The following GABRB2 variants were observed in gnomAD, a reference collection of about 807,000 sequenced individuals.
GABRB2 encodes the protein gamma-aminobutyric acid type A receptor subunit beta2, also known as gamma-aminobutyric acid receptor subunit beta-2.
Under a neutral mutation model 54.7 loss-of-function variants are expected in GABRB2, and 16 were observed. The ratio of observed to expected loss-of-function variants is 0.29; its 90% confidence interval spans 0.20 to 0.44. GABRB2 has a LOEUF of 0.44. Ranked by LOEUF, GABRB2 falls within the 20% of genes least tolerant of loss-of-function variation. The pLI is 1.00. For missense variants in GABRB2, 355 were observed against 644.0 expected (o/e 0.55, Z 4.86); for synonymous variants, 244 against 233.8 (o/e 1.04, Z -0.40).
At chr5:161,409,757 T>C (rs768312923) in intron 5 of GABRB2, among the ~76,000 whole-genome samples, 2 of 152,194 alleles carry the variant, frequency 1.3e-5, no homozygotes, top group Non-Finnish European at 2.9e-5. Context: ...TTATGCTTTC[T>C]AAATTGTAGC....
chr5:161,501,465 T>C (rs1175038600), intron 3 of GABRB2, among the ~76,000 whole-genome samples: 1 of 152,204 alleles, frequency 6.6e-6, no homozygotes, highest in South Asian at 2.1e-4. Context: ...TATGCTACTA[T>C]GCTATTTCCC....
In GABRB2 at chr5:161,405,101, TC is replaced by T. The variant is rs569279157; in HGVS notation, c.541+5873del. 2.6e-3 allele frequency among the ~76,000 whole-genome samples: 394 copies of T among 152,222 alleles called. 4 individuals carry two copies. Among genetic ancestry groups the T allele is most frequent in the African/African-American group, 8.2e-3 (339 of 41,552 alleles). On this transcript the variant is annotated intron_variant, in intron 5 of 9. Transcript: ENST00000393959. ...TCCTTAGGGTACACAGAGTCTACTC[TC>T]TTTCCTTAAGAGGAAATTCTGCATT...
intron 5 of GABRB2, among the ~76,000 whole-genome samples, chr5:161,337,121 G>A (rs1754017897): frequency 6.6e-6 from 1 of 152,024 alleles, no homozygotes; most frequent in African/African-American, 2.4e-5. Flanking sequence ...TACCTGATTA[G>A]GAATCCCATT....
chr5:161,491,435 T>G (rs1255920960), intron 3 of GABRB2, among the ~76,000 whole-genome samples: 1 of 151,660 alleles, frequency 6.6e-6, no homozygotes, highest in Non-Finnish European at 1.5e-5. Context: ...CAAATACAAT[T>G]TATGGGAATT....
intron 3 of GABRB2, among the ~76,000 whole-genome samples, chr5:161,499,449 G>A (rs974985332): frequency 6.6e-6 from 1 of 152,070 alleles, no homozygotes; most frequent in Non-Finnish European, 1.5e-5. Context: ...AGCTGTGAAA[G>A]TTCATGGACT....
chr5:161,380,875 A>AG (rs398109620), intron 5 of GABRB2, among the ~76,000 whole-genome samples: 1 of 151,324 alleles, frequency 6.6e-6, no homozygotes, highest in African/African-American at 2.4e-5. Context: ...TAAAAAAAAA[A>AG]GGGCTTTACT....
At chr5:161,353,676 AT>A (rs942523630) in intron 5 of GABRB2, among the ~76,000 whole-genome samples, 5 of 152,102 alleles carry the variant, frequency 3.3e-5, no homozygotes, top group African/African-American at 9.6e-5. Context: ...AGTATATTTG[AT>A]TTGGTAGCAG....
intron 9 of GABRB2, among the ~76,000 whole-genome samples, chr5:161,310,016 C>G (rs1158191035): frequency 7.2e-5 from 11 of 152,192 alleles, no homozygotes; most frequent in Admixed American, 7.2e-4. Flanking sequence ...TTTGCAGGGA[C>G]ATGGATGGAG....
intron 4 of GABRB2, among the ~76,000 whole-genome samples, chr5:161,444,015 C>T (rs1029117779): frequency 3.3e-5 from 5 of 152,178 alleles, no homozygotes; most frequent in South Asian, 4.1e-4. Flanking sequence ...GACTAATCCT[C>T]ATGTTATGTC....
At chr5:161,349,639 C>T (rs1323391022) in intron 5 of GABRB2, among the ~76,000 whole-genome samples, 1 of 152,072 alleles carries the variant, frequency 6.6e-6, no homozygotes, top group African/African-American at 2.4e-5. Context: ...GCCTTTTTCT[C>T]TCATTCTGAT....
At chr5:161,341,083 G>C (rs948723383) in intron 5 of GABRB2, among the ~76,000 whole-genome samples, 2 of 151,946 alleles carry the variant, frequency 1.3e-5, no homozygotes, top group Non-Finnish European at 2.9e-5. Flanking sequence ...GAAGACGAAA[G>C]AGCAACGAGC....
chr5:161,546,639 C>A lies in GABRB2; in HGVS notation c.5G>T (p.Trp2Leu). M[W>L]RVRKRGYFGI... The stretch of plus-strand genomic sequence containing the variant: ...AAAGTAGCCCCTTTTCCGCACTCTC[C>A]ACATCCCTTTAGTTTTTGATGGAAT... The change falls in exon 1 of 10, where the codon TGG becomes TTG. Residue 2 changes from tryptophan to leucine, a missense_variant. Trp to Leu is a moderately conservative substitution (Grantham distance 61, BLOSUM62 -2). This residue lies in a region of GABRB2 where 42 missense variants were observed against 43.0 expected (regional missense o/e 0.98). Coordinates refer to ENST00000393959, the MANE Select transcript of GABRB2 (RefSeq NM_001371727.1). 6.3e-7 allele frequency: 1 copy of A among 1,593,152 alleles called. No homozygotes were observed. The highest frequency in any genetic ancestry group is 8.6e-7 in the Non-Finnish European group (1 of 1,168,854).
chr5:161,441,189 G>C (rs1278000940), intron 4 of GABRB2, among the ~76,000 whole-genome samples: 1 of 152,132 alleles, frequency 6.6e-6, no homozygotes, highest in Non-Finnish European at 1.5e-5. Context: ...CGAAGAATGA[G>C]AGAAAATATT....
intron 3 of GABRB2, among the ~76,000 whole-genome samples, chr5:161,466,088 T>C (rs987474711): frequency 6.6e-6 from 1 of 152,020 alleles, no homozygotes; most frequent in African/African-American, 2.4e-5. Flanking sequence ...TCAGTTTTTT[T>C]TGTTGTTGTT....
chr5:161,298,061 T>G lies in GABRB2; in HGVS notation c.1192-3633A>C, dbSNP rs150601529. Among the ~76,000 whole-genome samples, 882 of 152,334 alleles carry G rather than the reference T, an allele frequency of 5.8e-3. 9 individuals carry two copies. Among genetic ancestry groups the G allele is most frequent in the African/African-American group, 0.02 (836 of 41,580 alleles). ...ATGATGAGCTTTTTTTCACGTTTGTTGGCCACATAAATGTCTTCTTTTGGG... is the reference window on the plus strand; with the variant it reads ...ATGATGAGCTTTTTTTCACGTTTGTGGGCCACATAAATGTCTTCTTTTGGG... On this transcript the variant is annotated intron_variant, in intron 9 of 9. Transcript: ENST00000393959.
intron 4 of GABRB2, among the ~76,000 whole-genome samples, chr5:161,427,263 C>T (rs1187342577): frequency 6.6e-6 from 1 of 152,096 alleles, no homozygotes; most frequent in East Asian, 1.9e-4. Flanking sequence ...GAGTGATGAT[C>T]AGCTGTTCAC....
Position 161,294,085 on chromosome 5 carries a change from T to C in GABRB2, c.1535A>G (p.Asn512Ser), listed in dbSNP as rs1364056354. 6.2e-7 allele frequency: 1 copy of C among 1,608,582 alleles called. No individual in the cohort carries two copies. Among genetic ancestry groups the C allele is most frequent in the Non-Finnish European group, 8.5e-7 (1 of 1,175,538 alleles). The stretch of plus-strand genomic sequence containing the variant: ...CTTCCAGTGGGAGGCCATGTTTTAG[T>C]TCACATAATAAAGCCAATAGACGAT... Reference protein sequence around the residue: ...FNIVYWLYYVN With the variant: ...FNIVYWLYYVS The change falls in exon 10 of 10, where the codon AAC becomes AGC. Residue 512 changes from asparagine to serine, a missense_variant. Coordinates refer to ENST00000393959, the MANE Select transcript of GABRB2 (RefSeq NM_001371727.1).
intron 3 of GABRB2, among the ~76,000 whole-genome samples, chr5:161,543,792 T>C (rs1760888799): frequency 6.6e-6 from 1 of 152,178 alleles, no homozygotes; most frequent in African/African-American, 2.4e-5. Flanking sequence ...TTAAATACTA[T>C]CCCAAGAAAC....
intron 5 of GABRB2, among the ~76,000 whole-genome samples, chr5:161,357,427 T>G (rs144240186): frequency 1.3e-4 from 19 of 151,580 alleles, no homozygotes; most frequent in Admixed American, 1.3e-3. Flanking sequence ...GTCAGAGAAG[T>G]GCAGGGTTGG....
Sources: allele counts gnomAD v4.1 joint callset (sites outside exome capture counted in the v4.1 genomes callset), GRCh38; gene constraint gnomAD v4.1.1; regional missense constraint gnomAD v4.1.1; transcripts MANE v1.5; gene names NCBI Gene and HGNC (gene_info 2026-07-23, HGNC 2026-07-21).